The following SLC37A3 variants were observed in gnomAD, a reference collection of about 807,000 sequenced individuals.
The protein encoded by SLC37A3 is sugar phosphate exchanger 3.
Under a neutral mutation model 67.1 loss-of-function variants are expected in SLC37A3, and 51 were observed. That is an observed-to-expected ratio of 0.76 (90% CI 0.61 to 0.96). The LOEUF is 0.96. Ranked by LOEUF, SLC37A3 falls within the 40% of genes least tolerant of loss-of-function variation. The pLI, the probability that SLC37A3 is intolerant of heterozygous loss-of-function variation, is 0.00. For missense variants in SLC37A3, 508 were observed against 603.0 expected (o/e 0.84, Z 1.65); for synonymous variants, 214 against 231.4 (o/e 0.92, Z 0.68).
chr7:140,393,423 C>A (rs767265300), intron 1 of SLC37A3, among the ~76,000 whole-genome samples: 2 of 152,316 alleles, frequency 1.3e-5, no homozygotes, highest in Admixed American at 6.5e-5. Context: ...CTTTGCCAGG[C>A]CGCCTGGTGA....
rs866228357 is a variant in SLC37A3 at position 140,353,872 on chromosome 7, C to T, written c.619-1726G>A. ...GATTACAGGTGCCCGTGACCACGCCCGGCTAATTTTTGTATTTTTAGTAGA... is the reference window on the plus strand; with the variant it reads ...GATTACAGGTGCCCGTGACCACGCCTGGCTAATTTTTGTATTTTTAGTAGA... On this transcript the variant is annotated intron_variant, in intron 7 of 14. Coordinates refer to ENST00000326232, the MANE Select transcript of SLC37A3 (RefSeq NM_207113.3). Among the ~76,000 whole-genome samples, 11 of 151,988 alleles carry T rather than the reference C, an allele frequency of 7.2e-5. No homozygotes were observed. In the Middle Eastern group the frequency reaches 0.01, roughly 141 times the overall value.
In SLC37A3 at chr7:140,364,471, G is replaced by T. The variant is rs1379405028; in HGVS notation, c.312C>A (p.Ile104=). Residue 104 remains isoleucine, a synonymous_variant, in exon 5 of 15, where the codon ATC becomes ATA. Transcript: ENST00000326232. The part of the protein sequence containing the change: ...SYAVGLFISG[I]VGDRLNLRWV... The stretch of plus-strand genomic sequence containing the variant: ...ATCGCAAATTCAACCGATCCCCAAC[G>T]ATGCCACTGATGAATAGGCCCTAAA... 1.2e-6 allele frequency: 2 copies of T among 1,613,762 alleles called. No individual in the cohort carries two copies. Among genetic ancestry groups the T allele is most frequent in the African/African-American group, 1.3e-5 (1 of 74,840 alleles).
chr7:140,387,743 T>TTATATAAATATATATTATATATTA (rs1554435263), intron 1 of SLC37A3, among the ~76,000 whole-genome samples: 696 of 21,258 alleles, frequency 0.033, 58 homozygotes, highest in Admixed American at 0.13. Flanking sequence ...ATACTATATA[T>TTATATAAATATATATTATATATTA]TATATAAATA....
intron 5 of SLC37A3, among the ~76,000 whole-genome samples, chr7:140,361,502 TCCCCCTCC>T (rs1797278170): frequency 1.2e-4 from 5 of 42,336 alleles, no homozygotes; most frequent in Non-Finnish European, 1.3e-4. Context: ...TCCCTCCCCC[TCCCCCTCC>T]CCCTCCCCCT....
At chr7:140,396,486 T>C (rs1798931674) in intron 1 of SLC37A3, among the ~76,000 whole-genome samples, 1 of 152,212 alleles carries the variant, frequency 6.6e-6, no homozygotes, top group Non-Finnish European at 1.5e-5. Flanking sequence ...TCTGTAAATA[T>C]CTCTCATTTT....
intron 12 of SLC37A3, 61 bp from the exon 13 acceptor site, chr7:140,343,624 T>A: frequency 1.3e-6 from 2 of 1,523,596 alleles, no homozygotes; most frequent in South Asian, 1.2e-5. Flanking sequence ...ATCTACTGCA[T>A]AAGGCAAAAT....
chr7:140,393,299 G>C (rs1798792708), intron 1 of SLC37A3, among the ~76,000 whole-genome samples: 1 of 152,170 alleles, frequency 6.6e-6, no homozygotes, highest in Non-Finnish European at 1.5e-5. Flanking sequence ...AGAGGTTGGA[G>C]GTCCATCCAT....
chr7:140,343,812 A>G (rs1796451598), intron 12 of SLC37A3: 1 of 448,598 alleles, frequency 2.2e-6, no homozygotes, highest in African/African-American at 2.1e-5. Flanking sequence ...AGTGAAACAC[A>G]TAGCCCTTCT....
chr7:140,377,585 A>G (rs1798083238), intron 3 of SLC37A3, among the ~76,000 whole-genome samples: 1 of 152,198 alleles, frequency 6.6e-6, no homozygotes, highest in African/African-American at 2.4e-5. Context: ...TATAAATTCT[A>G]AAGGTAACTG....
intron 5 of SLC37A3, among the ~76,000 whole-genome samples, chr7:140,362,584 C>T (rs1585307061): frequency 1.1e-5 from 1 of 93,106 alleles, no homozygotes; most frequent in Non-Finnish European, 2.4e-5. Flanking sequence ...GCCGCCCCGT[C>T]CGGGAGGTGA....
rs1184331507 is a variant in SLC37A3 at position 140,336,972 on chromosome 7, G to A, written c.1392+312C>T. Among the ~76,000 whole-genome samples the A allele has an allele frequency of 2.0e-5, 3 of 151,498 alleles. No individual in the cohort carries two copies. In the East Asian group the frequency reaches 5.8e-4, roughly 29 times the overall value. ...AAATTAGCCGGGTGTGGTGGCAGGCGCCTGTAATCCCAGCTACTCGGGAGG... is the reference window on the plus strand; with the variant it reads ...AAATTAGCCGGGTGTGGTGGCAGGCACCTGTAATCCCAGCTACTCGGGAGG... On this transcript the variant is annotated intron_variant, in intron 14 of 14. Coordinates refer to ENST00000326232, the MANE Select transcript of SLC37A3 (RefSeq NM_207113.3).
chr7:140,371,424 C>T (rs1262734079), intron 3 of SLC37A3, among the ~76,000 whole-genome samples: 2 of 152,002 alleles, frequency 1.3e-5, no homozygotes, highest in South Asian at 2.1e-4. Flanking sequence ...CACCTGCCTC[C>T]GCCTCCCAAA....
intron 9 of SLC37A3, among the ~76,000 whole-genome samples, chr7:140,350,432 TACCAAGAAAG>T (rs1302692578): frequency 6.6e-6 from 1 of 152,120 alleles, no homozygotes; most frequent in Non-Finnish European, 1.5e-5. Flanking sequence ...TGGAATGCAT[TACCAAGAAAG>T]ACTGTGGAGT....
At chr7:140,346,764 C>T (rs1054517380) in intron 10 of SLC37A3, among the ~76,000 whole-genome samples, 9 of 151,818 alleles carry the variant, frequency 5.9e-5, no homozygotes, top group Non-Finnish European at 4.4e-5. Context: ...CATGGTAGCA[C>T]GTGCCTATAT....
chr7:140,392,857 T>A (rs1798773229), intron 1 of SLC37A3, among the ~76,000 whole-genome samples: 1 of 152,082 alleles, frequency 6.6e-6, no homozygotes, highest in South Asian at 2.1e-4. Context: ...TTTGGGAGGC[T>A]GAGGTGGGCG....
At position 140,348,686 on chromosome 7, in the gene SLC37A3, C is replaced by T. The variant is rs754399210; in HGVS notation, c.964G>A (p.Gly322Ser). ...TTGTCGGCTTCCGCCTCCTTCCAGC[C>T]GAAGTTGTTACTCAGATAAAAGGGG... ...WLPFYLSNNF[G>S]WKEAEADKLS... The change falls in exon 10 of 15, where the codon GGC becomes AGC. Residue 322 changes from glycine (G) to serine (S), a missense_variant. Physicochemically the swap from Gly to Ser is moderately conservative, Grantham distance 56 (BLOSUM62 0). Transcript: ENST00000326232. 9.9e-6 allele frequency: 16 copies of T among 1,613,996 alleles called. No homozygotes were observed. The highest frequency in any genetic ancestry group is 1.3e-5 in the Non-Finnish European group (15 of 1,180,028).
chr7:140,342,932 G>A (rs1796414191), intron 13 of SLC37A3, among the ~76,000 whole-genome samples: 1 of 152,220 alleles, frequency 6.6e-6, no homozygotes. Context: ...ACAGGAAGCA[G>A]AGCGAGTGAT....
Position 140,345,212 on chromosome 7 carries a change from G to C in SLC37A3, c.1174+4C>G. The C allele has an allele frequency of 1.2e-6, 2 of 1,612,664 alleles. No homozygotes were observed. Among genetic ancestry groups the C allele is most frequent in the African/African-American group, 1.3e-5 (1 of 75,002 alleles). Reference sequence around the variant, plus strand: ...GCATGGTGGAGCAGAGCCATGTGCCGTACCTGTAACAGTCATCAGAAGGGC... The same window carrying C: ...GCATGGTGGAGCAGAGCCATGTGCCCTACCTGTAACAGTCATCAGAAGGGC... On this transcript the variant is annotated splice_donor_region_variant and intron_variant, in intron 12 of 14. Transcript: ENST00000326232.
chr7:140,337,180 C>A, intron 14 of SLC37A3, 104 bp downstream of exon 14: 3 of 672,408 alleles, frequency 4.5e-6, no homozygotes, highest in Non-Finnish European at 7.0e-6. Context: ...CACAAAGGAG[C>A]CTTTAAAAGC....
Sources: allele counts gnomAD v4.1 joint callset (sites outside exome capture counted in the v4.1 genomes callset), GRCh38; gene constraint gnomAD v4.1.1; transcripts MANE v1.5; gene names NCBI Gene and HGNC (gene_info 2026-07-23, HGNC 2026-07-21).